Variants in GABRB3 observed in about 807,000 individuals in gnomAD.
GABRB3 encodes gamma-aminobutyric acid receptor subunit beta-3.
A neutral mutation model predicts 52.1 loss-of-function variants in GABRB3; 14 were observed. The observed-to-expected ratio is 0.27, with a 90% CI of 0.18 to 0.42. The LOEUF is 0.42. Among genes scored for constraint, GABRB3 ranks in the 10% least tolerant of loss-of-function variants. The pLI, the probability that GABRB3 is intolerant of heterozygous loss-of-function variation, is 1.00. For synonymous variants in GABRB3, 260 were observed against 232.3 expected, an observed-to-expected ratio of 1.12 and a Z score of -1.08; for missense variants, 307 against 609.1, an observed-to-expected ratio of 0.50 and a Z score of 5.22.
At chr15:26,587,772 C>T (rs1566760973) in intron 4 of GABRB3, among the ~76,000 whole-genome samples, 1 of 152,160 alleles carries the variant, frequency 6.6e-6, no homozygotes, top group Non-Finnish European at 1.5e-5. Context: ...CTGGGCTCCA[C>T]TTGTGTAATC....
chr15:26,672,357 A>G (rs1043789213), intron 3 of GABRB3, among the ~76,000 whole-genome samples: 13 of 152,152 alleles, frequency 8.5e-5, no homozygotes, highest in African/African-American at 3.1e-4. Flanking sequence ...CCACACCCAG[A>G]CATCGTCACA....
chr15:26,551,538 A>G (rs1889463853), intron 8 of GABRB3, among the ~76,000 whole-genome samples: 1 of 152,132 alleles, frequency 6.6e-6, no homozygotes, highest in Non-Finnish European at 1.5e-5. Flanking sequence ...CTGGGGAAGT[A>G]GTGGAAAGTC....
intron 3 of GABRB3, among the ~76,000 whole-genome samples, chr15:26,672,994 T>C (rs1595522316): frequency 1.3e-5 from 2 of 152,276 alleles, no homozygotes; most frequent in Non-Finnish European, 2.9e-5. Context: ...CAAAAGCCAA[T>C]GCACAAAATG....
At chr15:26,723,745 G>C (rs1889701009) in intron 3 of GABRB3, among the ~76,000 whole-genome samples, 1 of 152,190 alleles carries the variant, frequency 6.6e-6, no homozygotes, top group East Asian at 1.9e-4. Flanking sequence ...AGAAATACTT[G>C]TTTTGTGAAT....
intron 3 of GABRB3, among the ~76,000 whole-genome samples, chr15:26,729,994 C>T (rs982540757): frequency 5.9e-5 from 9 of 152,156 alleles, no homozygotes; most frequent in Non-Finnish European, 1.3e-4. Flanking sequence ...TAAATATTGT[C>T]AAATGAATGC....
At chr15:26,629,205 G>A (rs1892834850) in intron 3 of GABRB3, 1 of 1,442,128 alleles carries the variant, frequency 6.9e-7, no homozygotes. Context: ...CGAAGCGGCG[G>A]CAATCAGGGG....
chr15:26,696,914 C>T (rs1448622540), intron 3 of GABRB3, among the ~76,000 whole-genome samples: 2 of 152,226 alleles, frequency 1.3e-5, no homozygotes, highest in African/African-American at 4.8e-5. Flanking sequence ...TGCAATATTG[C>T]ACCCCGACAA....
At chr15:26,723,538 C>T (rs1889695974) in intron 3 of GABRB3, among the ~76,000 whole-genome samples, 1 of 152,148 alleles carries the variant, frequency 6.6e-6, no homozygotes, top group African/African-American at 2.4e-5. Context: ...GTGCTTCTGC[C>T]TGCAGACACA....
chr15:26,611,495 T>C (rs1035317928), intron 4 of GABRB3, among the ~76,000 whole-genome samples: 2 of 152,212 alleles, frequency 1.3e-5, no homozygotes, highest in African/African-American at 4.8e-5. Context: ...AGAAGATGTG[T>C]ACTTATTGAA....
intron 3 of GABRB3, among the ~76,000 whole-genome samples, chr15:26,717,486 A>G (rs1182296178): frequency 6.6e-6 from 1 of 152,220 alleles, no homozygotes; most frequent in African/African-American, 2.4e-5. Context: ...TTACTTACCC[A>G]TCACCAAAAC....
At chr15:26,570,857 T>A (rs1890367189) in intron 6 of GABRB3, among the ~76,000 whole-genome samples, 1 of 152,174 alleles carries the variant, frequency 6.6e-6, no homozygotes, top group African/African-American at 2.4e-5. Flanking sequence ...AAAGGTAAGA[T>A]CTTCCTTAAT....
intron 4 of GABRB3, among the ~76,000 whole-genome samples, chr15:26,585,160 C>CT (rs1181147669): frequency 3.9e-5 from 6 of 152,180 alleles, no homozygotes; most frequent in South Asian, 4.1e-4. Context: ...CAGGGAGCAG[C>CT]TTCTGAAAGC....
rs1418174535 is a variant in GABRB3 at position 26,543,796 on chromosome 15, T to C, written c.*3997A>G. On this transcript the variant is annotated 3_prime_UTR_variant, in exon 9 of 9. Transcript: ENST00000311550. ...ACTTACCTTAAACACACTCACTGAC[T>C]TGTGAAGTAGAAACATGAGACAAAC... The C allele has an allele frequency of 6.6e-6, 1 of 152,610 alleles. No individual in the cohort carries two copies. The highest frequency in any genetic ancestry group is 1.5e-5 in the Non-Finnish European group (1 of 68,040). 9.5% of individuals were successfully genotyped at this position (152,610 alleles called of 1,614,324 possible). A position where few individuals can be genotyped will look rare whatever the true frequency, so the allele number is the denominator to read the frequency against.
intron 3 of GABRB3, chr15:26,642,511 G>C (rs765054684): frequency 1.6e-5 from 21 of 1,287,270 alleles, no homozygotes; most frequent in African/African-American, 3.0e-5. Context: ...AATCCTAGCT[G>C]TGCAGTTCCT....
intron 3 of GABRB3, among the ~76,000 whole-genome samples, chr15:26,765,130 A>AAAAC (rs1491366879): frequency 3.5e-4 from 1 of 2,818 alleles, no homozygotes; most frequent in African/African-American, 1.4e-3. Context: ...ACTCCGACTC[A>AAAAC]AAAAAAAAAA....
intron 3 of GABRB3, among the ~76,000 whole-genome samples, chr15:26,670,698 T>C (rs1887872494): frequency 6.6e-6 from 1 of 152,264 alleles, no homozygotes; most frequent in African/African-American, 2.4e-5. Context: ...AATTATGAAG[T>C]GTAACTGTAC....
chr15:26,559,416 T>C (rs1345881125), intron 8 of GABRB3, among the ~76,000 whole-genome samples: 1 of 152,154 alleles, frequency 6.6e-6, no homozygotes, highest in African/African-American at 2.4e-5. Context: ...TGTGAACCAA[T>C]TAAACCTCTT....
chr15:26,624,828 C>T (rs910549639), intron 3 of GABRB3: 15 of 985,240 alleles, frequency 1.5e-5, no homozygotes, highest in East Asian at 1.1e-4. Context: ...CTCGTGCAGC[C>T]GGGAGTAGCA....
intron 3 of GABRB3, among the ~76,000 whole-genome samples, chr15:26,652,545 T>A (rs948858435): frequency 6.6e-6 from 1 of 152,060 alleles, no homozygotes; most frequent in Non-Finnish European, 1.5e-5. Flanking sequence ...CATAATTCCA[T>A]CAAAACATAA....
Sources: allele counts gnomAD v4.1 joint callset (sites outside exome capture counted in the v4.1 genomes callset), GRCh38; gene constraint gnomAD v4.1.1; transcripts MANE v1.5; gene names NCBI Gene and HGNC (gene_info 2026-07-23, HGNC 2026-07-21).